Variants in CRPPA observed in about 807,000 individuals in gnomAD.
The protein encoded by CRPPA is CDP-L-ribitol pyrophosphorylase A.
In CRPPA, 43 loss-of-function variants were observed where a neutral mutation model predicts 52.0. The ratio of observed to expected loss-of-function variants is 0.83; its 90% CI spans 0.65 to 1.07. The LOEUF is 1.07. Among genes scored for constraint, CRPPA ranks in the 50% least tolerant of loss-of-function variants. The pLI, the probability that CRPPA is intolerant of heterozygous loss-of-function variation, is 0.00. For synonymous variants in CRPPA, 250 were observed against 203.5 expected (o/e 1.23, Z -1.94); for missense variants, 629 against 551.7 (o/e 1.14, Z -1.40).
chr7:16,406,106 C>T lies in CRPPA; in HGVS notation c.489G>A (p.Glu163=), dbSNP rs761638914. The T allele has an allele frequency of 3.7e-6, 6 of 1,613,754 alleles. No individual in the cohort carries two copies. Among genetic ancestry groups the T allele is most frequent in the African/African-American group, 1.3e-5 (1 of 74,912 alleles). ...TGACAACTTTAAGAAGGACACCTTCCTCAACAAATGGTCTCACAGCATCAT... is the reference window on the plus strand; with the variant it reads ...TGACAACTTTAAGAAGGACACCTTCTTCAACAAATGGTCTCACAGCATCAT... ...IIHDAVRPFV[E]EGVLLKVVTA... Residue 163 remains glutamate (E), a synonymous_variant, in exon 2 of 10, where the codon GAG becomes GAA. Transcript: ENST00000407010.
rs112469611 is a variant in CRPPA at position 16,184,099 on chromosome 7, G to A, written c.1251+31967C>T. Among the ~76,000 whole-genome samples the A allele has an allele frequency of 9.2e-3, 1,401 of 151,826 alleles. 31 individuals are homozygous for A. The highest frequency in any genetic ancestry group is 0.032 in the African/African-American group (1,338 of 41,372). Reference sequence around the variant, plus strand: ...TGGGACTACAGGCGCACACCACCACGCCCCGCTAATTTTTTGTATTTCTAG... The same window carrying A: ...TGGGACTACAGGCGCACACCACCACACCCCGCTAATTTTTTGTATTTCTAG... On this transcript the variant is annotated intron_variant, in intron 9 of 9. Coordinates refer to ENST00000407010, the MANE Select transcript of CRPPA (RefSeq NM_001101426.4).
intron 9 of CRPPA, among the ~76,000 whole-genome samples, chr7:16,160,097 C>A (rs1019725972): frequency 6.6e-6 from 1 of 152,000 alleles, no homozygotes; most frequent in African/African-American, 2.4e-5. Flanking sequence ...TTGCAAAAAT[C>A]TTCTCCCATT....
At chr7:16,375,428 C>A (rs1297084197) in intron 3 of CRPPA, among the ~76,000 whole-genome samples, 1 of 152,128 alleles carries the variant, frequency 6.6e-6, no homozygotes, top group Non-Finnish European at 1.5e-5. Flanking sequence ...ATTTCCAAAA[C>A]ATGAAAACCA....
At chr7:16,345,139 A>G (rs2158486) in intron 3 of CRPPA, among the ~76,000 whole-genome samples, 45,217 of 152,070 alleles carry the variant, frequency 0.3, 6,950 homozygotes, top group Admixed American at 0.34. Context: ...ACATTCACCA[A>G]TAAGATTAAC....
At chr7:16,379,935 A>G (rs1313865497) in intron 2 of CRPPA, among the ~76,000 whole-genome samples, 1 of 152,122 alleles carries the variant, frequency 6.6e-6, no homozygotes, top group African/African-American at 2.4e-5. Context: ...TCATCTGCAA[A>G]CAGGGACAAT....
At chr7:16,197,721 A>G (rs1184664985) in intron 9 of CRPPA, among the ~76,000 whole-genome samples, 1 of 149,360 alleles carries the variant, frequency 6.7e-6, no homozygotes, top group East Asian at 2.2e-4. Flanking sequence ...ACTAGAGGCA[A>G]TGTGGGGAAA....
intron 8 of CRPPA, among the ~76,000 whole-genome samples, chr7:16,239,529 T>G (rs2128405714): frequency 7.5e-6 from 1 of 133,498 alleles, no homozygotes; most frequent in East Asian, 2.3e-4. Context: ...AGCTAAAGTC[T>G]ATTTCCATTA....
intron 2 of CRPPA, among the ~76,000 whole-genome samples, chr7:16,389,649 C>T (rs1243820558): frequency 6.6e-6 from 1 of 151,928 alleles, no homozygotes; most frequent in African/African-American, 2.4e-5. Flanking sequence ...TAAGATCATG[C>T]TTACTGGTAA....
At chr7:16,106,237 C>G (rs1022009238) in intron 9 of CRPPA, among the ~76,000 whole-genome samples, 5 of 152,172 alleles carry the variant, frequency 3.3e-5, no homozygotes, top group Non-Finnish European at 5.9e-5. Context: ...CAAAAAAAAC[C>G]CATCCTGTGG....
intron 9 of CRPPA, among the ~76,000 whole-genome samples, chr7:16,215,674 C>T (rs550029142): frequency 1.3e-5 from 2 of 152,210 alleles, no homozygotes; most frequent in East Asian, 3.9e-4. Flanking sequence ...AGGAATCTGG[C>T]TTTGTAGGGT....
At chr7:16,268,000 T>A (rs1453406067) in intron 6 of CRPPA, among the ~76,000 whole-genome samples, 1 of 152,134 alleles carries the variant, frequency 6.6e-6, no homozygotes, top group Non-Finnish European at 1.5e-5. Context: ...AGAGCACCCA[T>A]AAATTGTGGT....
At chr7:16,416,232 A>G (rs1358173329) in intron 1 of CRPPA, among the ~76,000 whole-genome samples, 1 of 152,186 alleles carries the variant, frequency 6.6e-6, no homozygotes, top group Non-Finnish European at 1.5e-5. Flanking sequence ...CAGAGAACCC[A>G]GAAATAAAGT....
chr7:16,325,715 C>T (rs191020436), intron 3 of CRPPA, among the ~76,000 whole-genome samples: 11 of 152,178 alleles, frequency 7.2e-5, no homozygotes, highest in African/African-American at 2.4e-4. Flanking sequence ...TTTAAAATCT[C>T]CATAATGGCT....
intron 9 of CRPPA, among the ~76,000 whole-genome samples, chr7:16,188,623 C>G (rs1263972938): frequency 6.6e-6 from 1 of 152,068 alleles, no homozygotes; most frequent in Non-Finnish European, 1.5e-5. Flanking sequence ...TAATAATTCC[C>G]CAACATGTCC....
intron 6 of CRPPA, among the ~76,000 whole-genome samples, chr7:16,275,597 G>A (rs1390131234): frequency 6.6e-6 from 1 of 152,098 alleles, no homozygotes; most frequent in Non-Finnish European, 1.5e-5. Context: ...GGAGGCCAAC[G>A]TGAGAGGATC....
chr7:16,123,606 A>T (rs1249526271), intron 9 of CRPPA, among the ~76,000 whole-genome samples: 1 of 152,176 alleles, frequency 6.6e-6, no homozygotes, highest in Non-Finnish European at 1.5e-5. Flanking sequence ...TGTAATAGTG[A>T]TGATAAACTC....
At chr7:16,286,046 T>A (rs1457249820) in intron 5 of CRPPA, among the ~76,000 whole-genome samples, 206 of 4,704 alleles carry the variant, frequency 0.044, 13 homozygotes, top group African/African-American at 0.25. Flanking sequence ...AAAATATAAA[T>A]ATATATATAT....
intron 8 of CRPPA, chr7:16,216,419 A>T (rs1435861425): frequency 2.9e-6 from 1 of 339,736 alleles, no homozygotes; most frequent in Non-Finnish European, 5.3e-6. Flanking sequence ...AGGTTGAAAA[A>T]CCAAATGCTG....
intron 4 of CRPPA, among the ~76,000 whole-genome samples, chr7:16,306,407 G>A (rs1023610358): frequency 6.6e-6 from 1 of 152,172 alleles, no homozygotes; most frequent in African/African-American, 2.4e-5. Context: ...TGTACCTGAG[G>A]ACTAACACTC....
Sources: allele counts gnomAD v4.1 joint callset (sites outside exome capture counted in the v4.1 genomes callset), GRCh38; gene constraint gnomAD v4.1.1; transcripts MANE v1.5; gene names NCBI Gene and HGNC (gene_info 2026-07-23, HGNC 2026-07-21).